The following ADPRH variants were observed in gnomAD, a reference collection of about 807,000 sequenced individuals.
The protein encoded by ADPRH is ADP-ribosylarginine hydrolase.
In ADPRH, 27 loss-of-function variants were observed where a neutral mutation model predicts 28.8. That is an observed-to-expected ratio of 0.94 (90% CI 0.69 to 1.29). The LOEUF (loss-of-function observed/expected upper bound fraction) is 1.29, where lower values mean the gene tolerates loss of function less well. ADPRH is among the 50% of genes most tolerant of loss of function. The pLI, the probability that ADPRH is intolerant of heterozygous loss-of-function variation, is 0.00. For synonymous variants in ADPRH, 161 were observed against 166.9 expected (o/e 0.96, Z 0.27); for missense variants, 419 against 444.8 (o/e 0.94, Z 0.52).
In ADPRH at chr3:119,582,173, G is replaced by A. The variant is rs1348753027; in HGVS notation, c.4G>A (p.Glu2Lys). The stretch of plus-strand genomic sequence containing the variant: ...GCCCAGCAATTGTGAGGGACTGATG[G>A]AGAAGTATGTGGCTGCTATGGTGCT... M[E>K]KYVAAMVLSA... The change falls in exon 3 of 5, where the codon GAG (glutamate) becomes AAG (lysine). Residue 2 changes from glutamate (E) to lysine (K), a missense_variant. By Grantham distance (56) the Glu-to-Lys change is moderately conservative. Transcript: ENST00000357003. The A allele has an allele frequency of 1.9e-6, 3 of 1,599,860 alleles. No individual in the cohort carries two copies. The African/African-American group carries it at 4.0e-5, about 21-fold the overall frequency.
At position 119,582,454 on chromosome 3, in the gene ADPRH, TG is replaced by T. The variant is rs765776552; in HGVS notation, c.288del (p.Arg97GlyfsTer14). On this transcript the variant is annotated frameshift_variant, in exon 3 of 5. Transcript: ENST00000357003. LOFTEE classifies it high-confidence loss of function. ...ACCAAGACTGCATGGAAGACATGGA[TG>T]GGCGGGCACCAGGTGAGCACAGCCG... ...HYQDCMEDMD[G>X]RAPGGASVHN... 1.1e-4 allele frequency: 182 copies of T among 1,612,850 alleles called. No individual in the cohort carries two copies. The highest frequency in any genetic ancestry group is 1.4e-4 in the Non-Finnish European group (162 of 1,179,140).
chr3:119,580,720 G>C (rs1474088396), intron 2 of ADPRH, 84 bp downstream of exon 2: 1 of 152,152 alleles, frequency 6.6e-6, no homozygotes, highest in African/African-American at 2.4e-5. Flanking sequence ...CCTTATAAAA[G>C]TATTGGCCTG....
rs759728082 is a variant in ADPRH at position 119,582,428 on chromosome 3, T to G, written c.259T>G (p.Tyr87Asp). 1.2e-6 allele frequency: 2 copies of G among 1,613,812 alleles called. No individual in the cohort carries two copies. The highest frequency in any genetic ancestry group is 1.3e-5 in the African/African-American group (1 of 74,912). ...TQLYYLLAKH[Y>D]QDCMEDMDGR... ...ACTGTATTACCTCCTTGCTAAGCAT[T>G]ACCAAGACTGCATGGAAGACATGGA... Residue 87 changes from tyrosine (Y) to aspartate (D), a missense_variant, in exon 3 of 5, where the codon TAC (tyrosine) becomes GAC (aspartate). Transcript: ENST00000357003.
chr3:119,586,229 C>G, intron 3 of ADPRH, 56 bp from the exon 4 acceptor site: 1 of 1,594,816 alleles, frequency 6.3e-7, no homozygotes, highest in Non-Finnish European at 8.6e-7. Flanking sequence ...TTTATTCCTG[C>G]TGGGGCCTTT....
Position 119,589,388 on chromosome 3 carries a change from A to C in ADPRH, c.*1510A>C, listed in dbSNP as rs1006316974. 2.0e-5 allele frequency: 3 copies of C among 151,532 alleles called. No homozygotes were observed. Among genetic ancestry groups the C allele is most frequent in the East Asian group, 1.9e-4 (1 of 5,144 alleles). The allele number at this position is 151,532 out of a possible 1,614,324, so 9.4% of individuals were successfully genotyped here. The stretch of plus-strand genomic sequence containing the variant: ...CGTCCCTTCCTTCTCCTTTTGAGAA[A>C]ACCACAGAACTATGACTCTCATGAT... On this transcript the variant is annotated 3_prime_UTR_variant, in exon 5 of 5. Coordinates refer to ENST00000357003, the MANE Select transcript of ADPRH (RefSeq NM_001125.4).
Position 119,587,718 on chromosome 3 carries a change from C to T in ADPRH, c.914C>T (p.Ser305Phe), listed in dbSNP as rs2082477563. 7 of 1,614,044 alleles carry T rather than the reference C, an allele frequency of 4.3e-6. No homozygotes were observed. The highest frequency in any genetic ancestry group is 5.9e-6 in the Non-Finnish European group (7 of 1,180,032). Residue 305 changes from serine (S) to phenylalanine (F), a missense_variant, in exon 5 of 5, where the codon TCT becomes TTT. Physicochemically the swap from Ser to Phe is radical, Grantham distance 155. Transcript: ENST00000357003. Reference protein sequence around the residue: ...RAFFHGGDSDSTAAIAGCWWG... With the variant: ...RAFFHGGDSDFTAAIAGCWWG... ...TTTTTCCATGGTGGAGACAGTGATT[C>T]TACAGCTGCCATTGCTGGCTGCTGG...
At chr3:119,586,014 A>AT (rs2082455317) in intron 3 of ADPRH, among the ~76,000 whole-genome samples, 1 of 152,160 alleles carries the variant, frequency 6.6e-6, no homozygotes, top group African/African-American at 2.4e-5. Flanking sequence ...TTACTTCTTA[A>AT]TTTTTTTGTG....
At chr3:119,581,643 C>T (rs969746151) in intron 2 of ADPRH, among the ~76,000 whole-genome samples, 24 of 152,214 alleles carry the variant, frequency 1.6e-4, no homozygotes, top group African/African-American at 5.8e-4. Flanking sequence ...TAATCCCTCC[C>T]TATTAGTGAG....
chr3:119,580,078 T>A (rs2082392463), intron 1 of ADPRH: 1 of 152,256 alleles, frequency 6.6e-6, no homozygotes, highest in African/African-American at 2.4e-5. Context: ...AGGAGTTAAG[T>A]AATTACAGCG....
At position 119,587,571 on chromosome 3, in the gene ADPRH, A is replaced by C; in HGVS notation, c.767A>C (p.Gln256Pro). The C allele has an allele frequency of 1.2e-6, 2 of 1,613,430 alleles. No homozygotes were observed. The highest frequency in any genetic ancestry group is 1.7e-6 in the Non-Finnish European group (2 of 1,179,650). ...PESFGVKERDQFYTSLSYSGW... is the reference protein window; with the variant it reads ...PESFGVKERDPFYTSLSYSGW... Reference sequence around the variant, plus strand: ...TCTTTCGGTGTGAAGGAGAGGGATCAGTTCTACACCTCCCTGAGCTACTCT... The same window carrying C: ...TCTTTCGGTGTGAAGGAGAGGGATCCGTTCTACACCTCCCTGAGCTACTCT... Residue 256 changes from glutamine (Q) to proline (P), a missense_variant, in exon 5 of 5, where the codon CAG becomes CCG. Physicochemically the swap from Gln to Pro is moderately conservative, Grantham distance 76. Transcript: ENST00000357003.
chr3:119,588,034 G>C lies in ADPRH; in HGVS notation c.*156G>C. ...GGCACCTTAAGCTCAGTTTTTTCAG[G>C]CTCATCCTGTTCTTCCAGAATCTAT... is the stretch of plus-strand genomic sequence containing the variant. On this transcript the variant is annotated 3_prime_UTR_variant, in exon 5 of 5. Transcript: ENST00000357003. 1 of 687,336 alleles carries C rather than the reference G, an allele frequency of 1.5e-6. No individual in the cohort carries two copies. Among genetic ancestry groups the C allele is most frequent in the Non-Finnish European group, 2.2e-6 (1 of 446,248 alleles). The allele number at this position is 687,336 out of a possible 1,614,324, so 42.6% of individuals were successfully genotyped here.
In ADPRH at chr3:119,587,910, T is replaced by G. The variant is rs373146529; in HGVS notation, c.*32T>G. 2 of 1,529,426 alleles carry G rather than the reference T, an allele frequency of 1.3e-6. No individual in the cohort carries two copies. The highest frequency in any genetic ancestry group is 2.8e-5 in the African/African-American group (2 of 71,896). The allele number at this position is 1,529,426 out of a possible 1,614,324, so 94.7% of individuals were successfully genotyped here. ...GTGATGTTCACTTCTGATGGATTCT[T>G]CTTTTGTGTATTTCCTTTTCTGCTA... On this transcript the variant is annotated 3_prime_UTR_variant, in exon 5 of 5. Transcript: ENST00000357003.
rs567165205 is a variant in ADPRH, at chr3:119,583,388, CA to C, written c.298+929del. On this transcript the variant is annotated intron_variant, in intron 3 of 4. Transcript: ENST00000357003. ...AGAGTAAATTTCAAATGTCTCACCACAAAAAAAAGTGAGGCAATAGATATGC... is the reference window on the plus strand; with the variant it reads ...AGAGTAAATTTCAAATGTCTCACCACAAAAAAAGTGAGGCAATAGATATGC... Among the ~76,000 whole-genome samples, 440 of 151,576 alleles carry C rather than the reference CA, an allele frequency of 2.9e-3. 1 individual carries two copies. The highest frequency in any genetic ancestry group is 9.1e-3 in the African/African-American group (377 of 41,332).
At chr3:119,582,070 C>CGTGGTTTTTT in intron 2 of ADPRH, 64 bp from the exon 3 acceptor site, 1 of 1,234,588 alleles carries the variant, frequency 8.1e-7, no homozygotes, top group South Asian at 1.5e-5. Flanking sequence ...TAGCTAGAGT[C>CGTGGTTTTTT]GTTGTTTTTT....
rs1414648531 is a variant in ADPRH, at chr3:119,588,802, A to G, written c.*924A>G. On this transcript the variant is annotated 3_prime_UTR_variant, in exon 5 of 5. Coordinates refer to ENST00000357003, the MANE Select transcript of ADPRH (RefSeq NM_001125.4). ...TCATCATGGCAGTTAACACATTACC[A>G]ATTTTGTTATTGTCTGTTTGCTTGT... 3 of 152,182 alleles carry G rather than the reference A, an allele frequency of 2.0e-5. No homozygotes were observed. The highest frequency in any genetic ancestry group is 2.9e-5 in the Non-Finnish European group (2 of 68,038). 9.4% of individuals were successfully genotyped at this position (152,182 alleles called of 1,614,324 possible).
At chr3:119,582,602 C>G (rs1055474332) in intron 3 of ADPRH, 135 bp downstream of exon 3, 1 of 1,081,502 alleles carries the variant, frequency 9.2e-7, no homozygotes, top group Admixed American at 2.8e-5. Flanking sequence ...GAAATAACGG[C>G]CATGGTGGTG....
rs1307756774 is a variant in ADPRH, at chr3:119,585,243, A to G, written c.299-1042A>G. Among the ~76,000 whole-genome samples, 3 of 152,196 alleles carry G rather than the reference A, an allele frequency of 2.0e-5. 1 individual carries two copies. The highest frequency in any genetic ancestry group is 7.2e-5 in the African/African-American group (3 of 41,434). ...TTTTGTCCACCTGTGCCATCCATGAACATTTTTGTGAAAACACTGACCAGT... is the reference window on the plus strand; with the variant it reads ...TTTTGTCCACCTGTGCCATCCATGAGCATTTTTGTGAAAACACTGACCAGT... On this transcript the variant is annotated intron_variant, in intron 3 of 4. Transcript: ENST00000357003.
chr3:119,584,148 A>G (rs1314726846), intron 3 of ADPRH, among the ~76,000 whole-genome samples: 1 of 152,150 alleles, frequency 6.6e-6, no homozygotes, highest in African/African-American at 2.4e-5. Flanking sequence ...AACATGTACA[A>G]AGATGTTACT....
intron 2 of ADPRH, among the ~76,000 whole-genome samples, chr3:119,581,064 C>CCTT (rs758319544): frequency 2.4e-4 from 29 of 120,250 alleles, no homozygotes; most frequent in African/African-American, 7.5e-4. Flanking sequence ...ACTCTAAGAA[C>CCTT]TTTTTTTTTT....
Sources: gnomAD v4.1 joint callset for allele counts (sites outside exome capture counted in the v4.1 genomes callset) on GRCh38, gnomAD v4.1.1 for gene constraint, MANE v1.5 for transcripts, NCBI Gene and HGNC (gene_info 2026-07-23, HGNC 2026-07-21) for gene names.